SMYD3: variants seen among roughly 807,000 people sequenced by gnomAD.
SMYD3 encodes histone-lysine N-methyltransferase SMYD3.
In SMYD3, 36 loss-of-function variants were observed where a neutral mutation model predicts 57.7. The observed-to-expected ratio is 0.62, with a 90% CI of 0.48 to 0.82. SMYD3 has a LOEUF of 0.82. Among genes scored for constraint, SMYD3 ranks in the 40% least tolerant of loss-of-function variants. The pLI, the probability that SMYD3 is intolerant of heterozygous loss-of-function variation, is 0.00. For missense variants in SMYD3, 515 were observed against 538.8 expected, an observed-to-expected ratio of 0.96 and a Z score of 0.44; for synonymous variants, 211 against 195.0, an observed-to-expected ratio of 1.08 and a Z score of -0.68.
At chr1:246,443,573 G>A (rs2067502473) in intron 1 of SMYD3, among the ~76,000 whole-genome samples, 1 of 152,192 alleles carries the variant, frequency 6.6e-6, no homozygotes, top group Admixed American at 6.5e-5. Flanking sequence ...AAATAGAGAT[G>A]CTAGCCAGTC....
At chr1:245,913,534 TA>T (rs201879028) in intron 8 of SMYD3, among the ~76,000 whole-genome samples, 3,341 of 141,858 alleles carry the variant, frequency 0.024, 101 homozygotes, top group African/African-American at 0.072. Flanking sequence ...AAAGAAAACA[TA>T]GGGGAAACAC....
At chr1:245,931,835 A>G (rs1160589732) in intron 5 of SMYD3, among the ~76,000 whole-genome samples, 2 of 152,216 alleles carry the variant, frequency 1.3e-5, no homozygotes, top group African/African-American at 4.8e-5. Context: ...CATGAAATCT[A>G]GTGCACTCTA....
intron 8 of SMYD3, among the ~76,000 whole-genome samples, chr1:245,869,322 C>T (rs578142455): frequency 7.9e-5 from 12 of 152,306 alleles, no homozygotes; most frequent in African/African-American, 2.6e-4. Flanking sequence ...AATGAAGAAC[C>T]TGCTGGTTCC....
rs1015650024 is a variant in SMYD3 at position 246,397,047 on chromosome 1, G to C, written c.165-41953C>G. Among the ~76,000 whole-genome samples, 4 of 152,230 alleles carry C rather than the reference G, an allele frequency of 2.6e-5. 1 individual carries two copies. The highest frequency in any genetic ancestry group is 9.7e-5 in the African/African-American group (4 of 41,450). ...GATTAGGAATCCTTAGGATGGGTAT[G>C]CTCTTCGGAAAACTGTACCATCTCT... On this transcript the variant is annotated intron_variant, in intron 1 of 11. Coordinates refer to ENST00000490107, the MANE Select transcript of SMYD3 (RefSeq NM_001167740.2).
chr1:246,145,324 T>C (rs1321511915), intron 5 of SMYD3, among the ~76,000 whole-genome samples: 1 of 152,240 alleles, frequency 6.6e-6, no homozygotes, highest in Non-Finnish European at 1.5e-5. Context: ...ATGTATGTAG[T>C]GTCAGCAGCG....
chr1:246,148,013 G>A (rs2061880969), intron 5 of SMYD3, among the ~76,000 whole-genome samples: 1 of 152,156 alleles, frequency 6.6e-6, no homozygotes, highest in Non-Finnish European at 1.5e-5. Context: ...TTGGGGCCGA[G>A]CCCGGGGCAG....
At chr1:246,046,249 G>C (rs1037589391) in intron 5 of SMYD3, among the ~76,000 whole-genome samples, 1 of 152,128 alleles carries the variant, frequency 6.6e-6, no homozygotes, top group African/African-American at 2.4e-5. Flanking sequence ...TGATAGACTA[G>C]ATTAAGAAAA....
chr1:246,450,468 T>C (rs1247637548), intron 1 of SMYD3, among the ~76,000 whole-genome samples: 1 of 152,192 alleles, frequency 6.6e-6, no homozygotes, highest in Non-Finnish European at 1.5e-5. Context: ...CACACGGCCC[T>C]GAAAAATGCC....
At chr1:245,796,890 G>A (rs2047545612) in intron 10 of SMYD3, among the ~76,000 whole-genome samples, 1 of 152,128 alleles carries the variant, frequency 6.6e-6, no homozygotes, top group South Asian at 2.1e-4. Context: ...CACTGGCTCT[G>A]CAGAAAGCAT....
intron 1 of SMYD3, among the ~76,000 whole-genome samples, chr1:246,362,206 T>C (rs558820463): frequency 1.3e-5 from 2 of 152,216 alleles, no homozygotes; most frequent in South Asian, 4.1e-4. Context: ...GTTAAAAGTA[T>C]TTTATACCCT....
chr1:245,898,308 T>A (rs1384544986), intron 8 of SMYD3, among the ~76,000 whole-genome samples: 1 of 152,228 alleles, frequency 6.6e-6, no homozygotes, highest in Non-Finnish European at 1.5e-5. Context: ...TAGATACATA[T>A]ATACATGTGT....
intron 1 of SMYD3, among the ~76,000 whole-genome samples, chr1:246,451,312 AAATGAGCTATC>A (rs1317421198): frequency 1.3e-5 from 2 of 152,258 alleles, no homozygotes; most frequent in Non-Finnish European, 2.9e-5. Context: ...CACTAAAAAT[AAATGAGCTATC>A]AAGCTCTGAA....
intron 1 of SMYD3, among the ~76,000 whole-genome samples, chr1:246,369,045 A>G (rs2066151527): frequency 6.6e-6 from 1 of 152,200 alleles, no homozygotes; most frequent in African/African-American, 2.4e-5. Flanking sequence ...GTGTAATACT[A>G]AGCAGTTTAA....
chr1:246,265,718 T>C (rs908501334), intron 5 of SMYD3, among the ~76,000 whole-genome samples: 3 of 152,198 alleles, frequency 2.0e-5, no homozygotes, highest in African/African-American at 7.2e-5. Flanking sequence ...GTCTTAATAA[T>C]GAGCTCATCA....
At chr1:246,261,059 T>G (rs1229019804) in intron 5 of SMYD3, among the ~76,000 whole-genome samples, 3 of 151,830 alleles carry the variant, frequency 2.0e-5, no homozygotes, top group Non-Finnish European at 4.4e-5. Flanking sequence ...TTGTTGTTGT[T>G]GTTGTTGTTG....
chr1:246,162,133 G>A (rs2062132318), intron 5 of SMYD3, among the ~76,000 whole-genome samples: 1 of 152,136 alleles, frequency 6.6e-6, no homozygotes, highest in Admixed American at 6.5e-5. Context: ...ATAAGTCGGT[G>A]GGAGCAATGT....
chr1:246,080,288 A>AT, intron 5 of SMYD3, among the ~76,000 whole-genome samples: 1 of 151,910 alleles, frequency 6.6e-6, no homozygotes, highest in East Asian at 1.9e-4. Flanking sequence ...CTGGATTCTC[A>AT]TGGAGGGTGA....
intron 5 of SMYD3, among the ~76,000 whole-genome samples, chr1:246,233,703 G>A (rs1351537712): frequency 1.3e-4 from 19 of 141,116 alleles, no homozygotes; most frequent in Non-Finnish European, 1.1e-4. Flanking sequence ...ACACTGTGAT[G>A]AACATATACC....
At position 245,992,947 on chromosome 1, in the gene SMYD3, G is replaced by A. The variant is rs1008049764; in HGVS notation, c.532-63010C>T. On this transcript the variant is annotated intron_variant, in intron 5 of 11. Transcript: ENST00000490107. ...ATGGGGCCTGGAGTGGTCATGGATC[G>A]GCCACTTCTAGAATGGCGGTCATGG... Among the ~76,000 whole-genome samples, 18 of 135,116 alleles carry A rather than the reference G, an allele frequency of 1.3e-4. 1 individual carries two copies. Among genetic ancestry groups the A allele is most frequent in the Admixed American group, 5.3e-4 (7 of 13,208 alleles). The allele number at this position is 135,116 out of a possible 152,430, so 88.6% of individuals were successfully genotyped here. A position where few individuals can be genotyped will look rare whatever the true frequency, so the allele number is the denominator to read the frequency against.
Sources: allele counts gnomAD v4.1 joint callset (sites outside exome capture counted in the v4.1 genomes callset), GRCh38; gene constraint gnomAD v4.1.1; transcripts MANE v1.5; gene names NCBI Gene and HGNC (gene_info 2026-07-23, HGNC 2026-07-21).